Variants in MYL1 observed in about 807,000 individuals in gnomAD.
The protein encoded by MYL1 is myosin light chain 1.
Under a neutral mutation model 21.8 loss-of-function variants are expected in MYL1, and 16 were observed. That is an observed-to-expected ratio of 0.74 (90% confidence interval 0.50 to 1.12). The LOEUF is 1.12. Ranked by LOEUF, MYL1 falls within the 50% of genes most tolerant of loss-of-function variation. The pLI, the probability that MYL1 is intolerant of heterozygous loss-of-function variation, is 0.00. For missense variants in MYL1, 246 were observed against 241.0 expected, an observed-to-expected ratio of 1.02 and a Z score of -0.14; for synonymous variants, 99 against 85.2, an observed-to-expected ratio of 1.16 and a Z score of -0.89.
intron 5 of MYL1, among the ~76,000 whole-genome samples, chr2:210,293,348 C>G (rs1690110488): frequency 6.6e-6 from 1 of 152,098 alleles, no homozygotes. Context: ...AGTAACTAAA[C>G]CTATTTGGCC....
At position 210,301,298 on chromosome 2, in the gene MYL1, T is replaced by A. The variant is rs146730843; in HGVS notation, c.160+1190A>T. On this transcript the variant is annotated intron_variant, in intron 2 of 6. Coordinates refer to ENST00000352451, the MANE Select transcript of MYL1 (RefSeq NM_079420.3). ...AATAATCTTGAGTTATGGGTCACCA[T>A]ATCATCTAATCTGTCTACATGAGGC... 4.4e-3 allele frequency among the ~76,000 whole-genome samples: 667 copies of A among 152,248 alleles called. 8 individuals carry two copies. The highest frequency in any genetic ancestry group is 0.015 in the African/African-American group (632 of 41,564).
intron 5 of MYL1, 37 bp from the exon 6 acceptor site, chr2:210,291,111 G>A (rs775009603): frequency 1.3e-6 from 2 of 1,553,722 alleles, no homozygotes; most frequent in Non-Finnish European, 1.8e-6. Context: ...ACAATTTAGA[G>A]TTAGGAAACA....
intron 1 of MYL1, chr2:210,303,461 G>C: frequency 7.3e-7 from 1 of 1,363,232 alleles, no homozygotes. Context: ...TTCCATTTTT[G>C]CCTATCTTTC....
At chr2:210,297,503 A>T (rs1575703227) in intron 3 of MYL1, among the ~76,000 whole-genome samples, 1 of 143,882 alleles carries the variant, frequency 7.0e-6, no homozygotes, top group African/African-American at 2.6e-5. Context: ...CCATTTTTTT[A>T]TTGGATTATT....
At chr2:210,300,640 G>A (rs1025553196) in intron 2 of MYL1, among the ~76,000 whole-genome samples, 3 of 152,122 alleles carry the variant, frequency 2.0e-5, no homozygotes, top group Non-Finnish European at 4.4e-5. Flanking sequence ...CAAAAAGGTG[G>A]CTATTAACTG....
chr2:210,290,973 G>C, intron 6 of MYL1, 59 bp downstream of exon 6: 1 of 1,205,600 alleles, frequency 8.3e-7, no homozygotes, highest in Admixed American at 2.2e-5. Context: ...AAGCTGTCAA[G>C]TTTTAAAAAA....
At chr2:210,313,521 A>C (rs1365173910) in intron 1 of MYL1, among the ~76,000 whole-genome samples, 1 of 152,042 alleles carries the variant, frequency 6.6e-6, no homozygotes, top group African/African-American at 2.4e-5. Context: ...TCAAGTTAGA[A>C]AAACATTTAT....
At chr2:210,291,663 A>G (rs1290710242) in intron 5 of MYL1, among the ~76,000 whole-genome samples, 1 of 152,236 alleles carries the variant, frequency 6.6e-6, no homozygotes. Flanking sequence ...AGATATTATA[A>G]CTGTACACAA....
At chr2:210,293,885 A>G (rs1294425199) in intron 4 of MYL1, 85 bp from the exon 5 acceptor site, 2 of 1,157,672 alleles carry the variant, frequency 1.7e-6, no homozygotes, top group Non-Finnish European at 1.3e-6. Flanking sequence ...AGGGCTCTGG[A>G]GACTAAACTC....
At chr2:210,292,421 CATCTT>C (rs1427332670) in intron 5 of MYL1, among the ~76,000 whole-genome samples, 1 of 152,128 alleles carries the variant, frequency 6.6e-6, no homozygotes, top group African/African-American at 2.4e-5. Context: ...TGTAGTTTGT[CATCTT>C]ATTTTATTCA....
intron 1 of MYL1, among the ~76,000 whole-genome samples, chr2:210,310,576 C>T (rs953239617): frequency 2.0e-5 from 3 of 152,060 alleles, no homozygotes; most frequent in African/African-American, 7.2e-5. Flanking sequence ...CCATTTACAA[C>T]ATCTTATAGG....
rs569939458 is a variant in MYL1, at chr2:210,291,949, A to G, written c.557-875T>C. Among the ~76,000 whole-genome samples the G allele has an allele frequency of 2.0e-5, 3 of 152,290 alleles. No individual in the cohort carries two copies. In the East Asian group the frequency reaches 5.8e-4, roughly 29 times the overall value. On this transcript the variant is annotated intron_variant, in intron 5 of 6. Transcript: ENST00000352451. The stretch of plus-strand genomic sequence containing the variant: ...TAACCTAGGGGTTTTAACAACATGC[A>G]TTCCCATCAGTGATACATGAAATTG...
At chr2:210,304,585 C>T (rs1436387649) in intron 1 of MYL1, among the ~76,000 whole-genome samples, 1 of 152,202 alleles carries the variant, frequency 6.6e-6, no homozygotes, top group Admixed American at 6.5e-5. Context: ...CTCTGTCACC[C>T]TGGCTGGAGT....
intron 1 of MYL1, among the ~76,000 whole-genome samples, chr2:210,303,123 C>T (rs1034822365): frequency 6.6e-6 from 1 of 152,136 alleles, no homozygotes; most frequent in Non-Finnish European, 1.5e-5. Context: ...TACCTTAAGT[C>T]TGTCTTCTAT....
At chr2:210,292,546 G>T (rs1690094266) in intron 5 of MYL1, among the ~76,000 whole-genome samples, 1 of 135,554 alleles carries the variant, frequency 7.4e-6, no homozygotes, top group South Asian at 2.5e-4. Context: ...GCTCTTTCTG[G>T]TATTAATTGA....
intron 1 of MYL1, among the ~76,000 whole-genome samples, chr2:210,310,774 G>T (rs1045687417): frequency 6.6e-6 from 1 of 151,490 alleles, no homozygotes. Context: ...CCCTCTTCTG[G>T]TTACACAGGA....
At chr2:210,303,691 A>T in intron 1 of MYL1, 1 of 1,175,418 alleles carries the variant, frequency 8.5e-7, no homozygotes, top group South Asian at 1.7e-5. Flanking sequence ...GGTTTCAGAG[A>T]TAAGTTGCCA....
chr2:210,302,896 G>T, intron 1 of MYL1: 1 of 1,255,180 alleles, frequency 8.0e-7, no homozygotes, highest in Non-Finnish European at 1.1e-6. Flanking sequence ...AGGAAGCTAT[G>T]TAGGTGTCTT....
intron 2 of MYL1, among the ~76,000 whole-genome samples, chr2:210,299,360 T>C (rs1690230204): frequency 6.6e-6 from 1 of 152,158 alleles, no homozygotes; most frequent in Admixed American, 6.5e-5. Context: ...AAAGATCTCT[T>C]GTATGCTCTG....
Sources: gnomAD v4.1 joint callset for allele counts (sites outside exome capture counted in the v4.1 genomes callset) on GRCh38, gnomAD v4.1.1 for gene constraint, MANE v1.5 for transcripts, NCBI Gene and HGNC (gene_info 2026-07-23, HGNC 2026-07-21) for gene names.